The following PTPRD variants were observed in gnomAD, a reference collection of about 807,000 sequenced individuals.
PTPRD encodes the protein receptor-type tyrosine-protein phosphatase delta.
A neutral mutation model predicts 214.5 loss-of-function variants in PTPRD; 34 were observed. The ratio of observed to expected loss-of-function variants is 0.16; its 90% confidence interval spans 0.12 to 0.21. The LOEUF (loss-of-function observed/expected upper bound fraction) is 0.21. Among genes scored for constraint, PTPRD ranks in the 10% least tolerant of loss-of-function variants. The probability of loss-of-function intolerance (pLI) is 1.00; values close to 1 mark genes in which losing one functional copy is unlikely to be tolerated. For missense variants in PTPRD, 2,545 were observed against 2,398.7 expected, an observed-to-expected ratio of 1.06 and a Z score of -1.27; for synonymous variants, 1,128 against 845.7, an observed-to-expected ratio of 1.33 and a Z score of -5.79.
At chr9:10,575,372 A>G (rs573794874) in intron 2 of PTPRD, among the ~76,000 whole-genome samples, 21 of 152,248 alleles carry the variant, frequency 1.4e-4, no homozygotes, top group African/African-American at 5.1e-4. Flanking sequence ...TTCTTTCTCT[A>G]GGAAAAAATG....
At chr9:9,613,280 ATAAT>A (rs1315629451) in intron 7 of PTPRD, among the ~76,000 whole-genome samples, 1 of 151,736 alleles carries the variant, frequency 6.6e-6, no homozygotes, top group Non-Finnish European at 1.5e-5. Context: ...GATAATGAAC[ATAAT>A]TAATGATAAA....
chr9:9,634,175 T>G (rs1372664957), intron 7 of PTPRD, among the ~76,000 whole-genome samples: 1 of 152,120 alleles, frequency 6.6e-6, no homozygotes, highest in Admixed American at 6.5e-5. Flanking sequence ...CTTACCAAAT[T>G]AACATATGCC....
intron 11 of PTPRD, among the ~76,000 whole-genome samples, chr9:8,961,278 C>A (rs770799444): frequency 7.2e-5 from 11 of 152,108 alleles, no homozygotes; most frequent in Non-Finnish European, 1.5e-4. Context: ...ACATAAAACA[C>A]AATGGTATCT....
intron 7 of PTPRD, among the ~76,000 whole-genome samples, chr9:9,665,558 A>C (rs1233041630): frequency 6.6e-6 from 1 of 151,766 alleles, no homozygotes; most frequent in Non-Finnish European, 1.5e-5. Context: ...CTATCTAGTA[A>C]ATATCTTACT....
intron 11 of PTPRD, among the ~76,000 whole-genome samples, chr9:8,933,496 A>G (rs1431205479): frequency 6.6e-6 from 1 of 151,980 alleles, no homozygotes. Context: ...TTGGATACCA[A>G]TAACATGCTT....
chr9:8,982,012 A>T (rs908286938), intron 11 of PTPRD, among the ~76,000 whole-genome samples: 1 of 152,072 alleles, frequency 6.6e-6, no homozygotes, highest in Non-Finnish European at 1.5e-5. Flanking sequence ...AATGAAAGTT[A>T]AGGTATGGGT....
At chr9:8,701,472 C>CA (rs201242388) in intron 12 of PTPRD, 14 of 150,146 alleles carry the variant, frequency 9.3e-5, no homozygotes, top group South Asian at 2.1e-4. Context: ...CCGTCTCTAC[C>CA]AAAAAAAAAT....
chr9:8,774,621 G>T (rs545378999), intron 11 of PTPRD, among the ~76,000 whole-genome samples: 53 of 134,500 alleles, frequency 3.9e-4, no homozygotes, highest in African/African-American at 1.5e-3. Context: ...TGCAACCTCC[G>T]CCTCCTGGGT....
intron 5 of PTPRD, among the ~76,000 whole-genome samples, chr9:9,871,022 G>A (rs763888756): frequency 1.1e-4 from 17 of 152,028 alleles, no homozygotes; most frequent in Non-Finnish European, 1.9e-4. Flanking sequence ...ATTAAGAGAT[G>A]TATTCATTTG....
chr9:8,447,362 G>C (rs1257591536), intron 34 of PTPRD, among the ~76,000 whole-genome samples: 2 of 152,180 alleles, frequency 1.3e-5, no homozygotes, highest in South Asian at 4.2e-4. Context: ...AAAGTCATTG[G>C]TGATACAAGA....
At chr9:10,354,971 G>A (rs10959065) in intron 2 of PTPRD, among the ~76,000 whole-genome samples, 12,366 of 152,082 alleles carry the variant, frequency 0.081, 636 homozygotes, top group Middle Eastern at 0.13. Context: ...CATTGTATTT[G>A]CTAAATAGAT....
intron 21 of PTPRD, among the ~76,000 whole-genome samples, chr9:8,513,876 G>C (rs1419093723): frequency 3.9e-5 from 6 of 152,022 alleles, no homozygotes; most frequent in African/African-American, 1.4e-4. Flanking sequence ...ATTGAGCTTG[G>C]CAGGCAGTCA....
At chr9:9,471,146 G>C (rs1483802235) in intron 8 of PTPRD, among the ~76,000 whole-genome samples, 1 of 152,074 alleles carries the variant, frequency 6.6e-6, no homozygotes. Flanking sequence ...TGGTCCTATA[G>C]TTGCAAAATA....
At chr9:10,578,978 C>A (rs561350850) in intron 2 of PTPRD, among the ~76,000 whole-genome samples, 21 of 151,982 alleles carry the variant, frequency 1.4e-4, no homozygotes, top group Non-Finnish European at 2.5e-4. Context: ...CGTAGGTATA[C>A]ATGTGCCATG....
At chr9:9,780,655 A>G (rs1056836014) in intron 5 of PTPRD, among the ~76,000 whole-genome samples, 2 of 152,216 alleles carry the variant, frequency 1.3e-5, no homozygotes, top group Admixed American at 6.5e-5. Context: ...AAGCTAAATG[A>G]TATGATTTAA....
chr9:10,534,081 A>G (rs2057145445), intron 2 of PTPRD, among the ~76,000 whole-genome samples: 1 of 151,772 alleles, frequency 6.6e-6, no homozygotes, highest in Non-Finnish European at 1.5e-5. Flanking sequence ...TAAATTTTTA[A>G]GAAGAGTTCT....
chr9:9,487,162 A>T (rs1467323817), intron 8 of PTPRD, among the ~76,000 whole-genome samples: 1 of 151,942 alleles, frequency 6.6e-6, no homozygotes, highest in African/African-American at 2.4e-5. Flanking sequence ...TGCACCCATT[A>T]ACTTGTCATT....
At chr9:8,839,822 C>A (rs2097524199) in intron 11 of PTPRD, among the ~76,000 whole-genome samples, 1 of 151,954 alleles carries the variant, frequency 6.6e-6, no homozygotes, top group Non-Finnish European at 1.5e-5. Context: ...ACAGACACAT[C>A]TAGTTCATGA....
intron 10 of PTPRD, among the ~76,000 whole-genome samples, chr9:9,046,121 C>G (rs324535): frequency 6.6e-6 from 1 of 152,038 alleles, no homozygotes; most frequent in African/African-American, 2.4e-5. Flanking sequence ...TTATCTATAT[C>G]TTTCAGCTTC....
Sources: gnomAD v4.1 joint callset for allele counts (sites outside exome capture counted in the v4.1 genomes callset) on GRCh38, gnomAD v4.1.1 for gene constraint, MANE v1.5 for transcripts, NCBI Gene and HGNC (gene_info 2026-07-23, HGNC 2026-07-21) for gene names.